ADAM9: variants seen among roughly 807,000 people sequenced by gnomAD.
ADAM9 encodes the protein ADAM metallopeptidase domain 9, also known as disintegrin and metalloproteinase domain-containing protein 9.
ADAM9 carries 54 observed loss-of-function variants against 108.1 expected under a neutral mutation model. The observed-to-expected ratio is 0.50, with a 90% CI of 0.40 to 0.63. ADAM9 has a LOEUF of 0.63. ADAM9 is among the 20% of genes least tolerant of loss of function. ADAM9 has a pLI of 0.00. For missense variants in ADAM9, 830 were observed against 997.7 expected (o/e 0.83, Z 2.26); for synonymous variants, 316 against 336.0 (o/e 0.94, Z 0.65).
In ADAM9 at chr8:39,011,000, G is replaced by A. The variant is rs1836337419; in HGVS notation, c.196-658G>A. Reference sequence around the variant, plus strand: ...CCCAGTTACTTGGGAGGCTGAGACAGGAGAATTTCCTGAACCCGGGAGGCA... The same window carrying A: ...CCCAGTTACTTGGGAGGCTGAGACAAGAGAATTTCCTGAACCCGGGAGGCA... On this transcript the variant is annotated intron_variant, in intron 2 of 21. Coordinates refer to ENST00000487273, the MANE Select transcript of ADAM9 (RefSeq NM_003816.3). Among the ~76,000 whole-genome samples, 3 of 151,940 alleles carry A rather than the reference G, an allele frequency of 2.0e-5. No homozygotes were observed. The South Asian group carries it at 6.2e-4, about 32-fold the overall frequency.
At chr8:39,085,596 G>A (rs1410105409) in intron 18 of ADAM9, among the ~76,000 whole-genome samples, 2 of 149,720 alleles carry the variant, frequency 1.3e-5, no homozygotes, top group Non-Finnish European at 3.0e-5. Context: ...ATTTAACTGG[G>A]CAAGGATTTT....
At chr8:39,099,349 A>G (rs895086716) in intron 20 of ADAM9, among the ~76,000 whole-genome samples, 1 of 152,068 alleles carries the variant, frequency 6.6e-6, no homozygotes, top group Non-Finnish European at 1.5e-5. Flanking sequence ...TTTGGCCTGT[A>G]AGATGTTTCT....
rs771403130 is a variant in ADAM9 at position 39,021,722 on chromosome 8, G to T, written c.744+8G>T. Reference sequence around the variant, plus strand: ...GCAAACTACTTGGATAGTGTAAGTTGTATTTTCTATCAACCAGGATGATTC... The same window carrying T: ...GCAAACTACTTGGATAGTGTAAGTTTTATTTTCTATCAACCAGGATGATTC... On this transcript the variant is annotated splice_region_variant and intron_variant, in intron 8 of 21. Coordinates refer to ENST00000487273, the MANE Select transcript of ADAM9 (RefSeq NM_003816.3). 2 of 1,607,286 alleles carry T rather than the reference G, an allele frequency of 1.2e-6. No homozygotes were observed. Among genetic ancestry groups the T allele is most frequent in the East Asian group, 4.5e-5 (2 of 44,834 alleles).
At chr8:39,097,002 G>A (rs1250113159) in intron 20 of ADAM9, among the ~76,000 whole-genome samples, 1 of 152,054 alleles carries the variant, frequency 6.6e-6, no homozygotes, top group African/African-American at 2.4e-5. Flanking sequence ...TTTCCTTAGG[G>A]TCAGTTTCTG....
chr8:39,101,632 T>C (rs1839697360), intron 20 of ADAM9, among the ~76,000 whole-genome samples: 1 of 152,192 alleles, frequency 6.6e-6, no homozygotes, highest in Non-Finnish European at 1.5e-5. Context: ...ATCAATGACT[T>C]TTCTGTTTAG....
At chr8:39,071,745 G>A (rs1261335645) in intron 15 of ADAM9, among the ~76,000 whole-genome samples, 4 of 152,276 alleles carry the variant, frequency 2.6e-5, no homozygotes, top group East Asian at 1.9e-4. Context: ...GATTAGAGGC[G>A]TGAGCCACTG....
chr8:39,090,097 G>C lies in ADAM9; in HGVS notation c.2119G>C (p.Val707Leu), dbSNP rs77773983. ...ACTTCTGGTCTTCTTCTTCCTAATTGTTCCCCTTATTGTCTGTGCTATTTT... is the reference window on the plus strand; with the variant it reads ...ACTTCTGGTCTTCTTCTTCCTAATTCTTCCCCTTATTGTCTGTGCTATTTT... The part of the protein sequence containing the change: ...DGLLVFFFLI[V>L]PLIVCAIFIF... Residue 707 changes from valine to leucine, a missense_variant, in exon 19 of 22, where the codon GTT (valine) becomes CTT (leucine). Around this residue, in one of 3 missense-constraint regions of ADAM9, gnomAD observed 238 missense variants for 235.7 expected, o/e 1.01. Transcript: ENST00000487273. 1.9e-6 allele frequency: 3 copies of C among 1,613,764 alleles called. No individual in the cohort carries two copies. The highest frequency in any genetic ancestry group is 3.3e-5 in the Admixed American group (2 of 59,990).
intron 18 of ADAM9, among the ~76,000 whole-genome samples, chr8:39,087,484 T>C (rs1253150917): frequency 6.6e-6 from 1 of 152,236 alleles, no homozygotes; most frequent in Non-Finnish European, 1.5e-5. Context: ...TTATTTGACA[T>C]TTAGATTGTT....
intron 7 of ADAM9, 106 bp from the exon 8 acceptor site, chr8:39,021,537 G>A (rs927461719): frequency 8.2e-6 from 8 of 971,504 alleles, no homozygotes; most frequent in Non-Finnish European, 1.2e-5. Flanking sequence ...ACCCGCCTGG[G>A]CCTCTCAAAA....
At position 39,055,716 on chromosome 8, in the gene ADAM9, G is replaced by A; in HGVS notation, c.1535G>A (p.Cys512Tyr). 6.2e-7 allele frequency: 1 copy of A among 1,613,638 alleles called. No individual in the cohort carries two copies. Among genetic ancestry groups the A allele is most frequent in the Non-Finnish European group, 8.5e-7 (1 of 1,179,732 alleles). The change falls in exon 14 of 22, where the codon TGC (cysteine) becomes TAC (tyrosine). Residue 512 changes from cysteine (C) to tyrosine (Y), a missense_variant. By Grantham distance (194) the Cys-to-Tyr change is radical (BLOSUM62 -2). Coordinates refer to ENST00000487273, the MANE Select transcript of ADAM9 (RefSeq NM_003816.3). Reference protein sequence around the residue: ...GYPCQNNKAYCYNGMCQYYDA... With the variant: ...GYPCQNNKAYYYNGMCQYYDA... The stretch of plus-strand genomic sequence containing the variant: ...CCTTGCCAGAATAACAAAGCCTATT[G>A]CTACAACGGCATGTGCCAGTATTAT...
At chr8:39,056,929 T>A (rs1838142960) in intron 14 of ADAM9, among the ~76,000 whole-genome samples, 1 of 152,240 alleles carries the variant, frequency 6.6e-6, no homozygotes, top group Admixed American at 6.5e-5. Context: ...TACAGTCATA[T>A]ACCGCATAAC....
At chr8:39,014,654 T>C in intron 4 of ADAM9, 1 of 693,240 alleles carries the variant, frequency 1.4e-6, no homozygotes, top group Non-Finnish European at 2.6e-6. Flanking sequence ...TTTTTGGCAG[T>C]TAGGTATTAT....
intron 12 of ADAM9, among the ~76,000 whole-genome samples, chr8:39,042,407 G>T (rs554281509): frequency 2.6e-5 from 4 of 152,084 alleles, no homozygotes; most frequent in Non-Finnish European, 5.9e-5. Flanking sequence ...TTGCTTTAAA[G>T]AATGAATTTC....
At chr8:39,082,942 A>G in intron 17 of ADAM9, 26 bp from the exon 18 acceptor site, 1 of 1,587,378 alleles carries the variant, frequency 6.3e-7, no homozygotes, top group Non-Finnish European at 8.6e-7. Flanking sequence ...ACAATTAACA[A>G]AAGTGGTATT....
intron 12 of ADAM9, 87 bp from the exon 13 acceptor site, chr8:39,054,394 A>T: frequency 8.6e-7 from 1 of 1,164,162 alleles, no homozygotes; most frequent in Non-Finnish European, 1.3e-6. Context: ...AGAATGAAGT[A>T]GATTTTAGGT....
rs541304766 is a variant in ADAM9, at chr8:39,104,860, A to G, written c.*1160A>G. On this transcript the variant is annotated 3_prime_UTR_variant, in exon 22 of 22. Transcript: ENST00000487273. ...GATCGTAAAATTTTAAGCACTAAAA[A>G]TTTTTTCATAACCTTTCATAATAAA... The G allele has an allele frequency of 2.2e-6, 1 of 446,496 alleles. No individual in the cohort carries two copies. Among genetic ancestry groups the G allele is most frequent in the Non-Finnish European group, 4.4e-6 (1 of 224,856 alleles). 27.7% of individuals were successfully genotyped at this position (446,496 alleles called of 1,614,324 possible).
At position 39,104,998 on chromosome 8, in the gene ADAM9, T is replaced by G. The variant is rs1242132150; in HGVS notation, c.*1298T>G. The stretch of plus-strand genomic sequence containing the variant: ...TTACAATAAATAAAATACTTGAAAT[T>G]CTCTTTTGTGTCTCCTAGTAGCTTC... On this transcript the variant is annotated 3_prime_UTR_variant, in exon 22 of 22. Coordinates refer to ENST00000487273, the MANE Select transcript of ADAM9 (RefSeq NM_003816.3). The G allele has an allele frequency of 2.3e-6, 1 of 429,144 alleles. No individual in the cohort carries two copies. The highest frequency in any genetic ancestry group is 2.1e-5 in the African/African-American group (1 of 48,478). The allele number at this position is 429,144 out of a possible 1,614,324, so 26.6% of individuals were successfully genotyped here.
chr8:39,000,145 C>G (rs924560931), intron 1 of ADAM9, among the ~76,000 whole-genome samples: 19 of 152,014 alleles, frequency 1.2e-4, no homozygotes, highest in Non-Finnish European at 1.8e-4. Flanking sequence ...CTGCCTCAGC[C>G]TTATGCCTGG....
chr8:39,009,334 G>A (rs769991788), intron 2 of ADAM9, among the ~76,000 whole-genome samples: 1 of 152,200 alleles, frequency 6.6e-6, no homozygotes, highest in Non-Finnish European at 1.5e-5. Flanking sequence ...CCGCCTCCTG[G>A]GTTCAAGTGA....
Sources: gnomAD v4.1 joint callset for allele counts (sites outside exome capture counted in the v4.1 genomes callset) on GRCh38, gnomAD v4.1.1 for gene constraint, gnomAD v4.1.1 regional missense constraint, MANE v1.5 for transcripts, NCBI Gene and HGNC (gene_info 2026-07-23, HGNC 2026-07-21) for gene names.